The following LMBRD1 variants were observed in gnomAD, a reference collection of about 807,000 sequenced individuals.
LMBRD1 encodes lysosomal cobalamin transport escort protein LMBD1.
A neutral mutation model predicts 74.8 loss-of-function variants in LMBRD1; 64 were observed. The ratio of observed to expected loss-of-function variants is 0.86; its 90% CI spans 0.70 to 1.05. The LOEUF is 1.05. LMBRD1 is among the 50% of genes least tolerant of loss of function. The pLI is 0.00. For missense variants in LMBRD1, 652 were observed against 645.9 expected (o/e 1.01, Z -0.10); for synonymous variants, 204 against 216.3 (o/e 0.94, Z 0.50).
intron 8 of LMBRD1, among the ~76,000 whole-genome samples, chr6:69,717,216 G>C (rs1321823142): frequency 6.6e-6 from 1 of 151,930 alleles, no homozygotes; most frequent in Non-Finnish European, 1.5e-5. Context: ...AGTTCTACTA[G>C]TTTGTCAGTT....
At chr6:69,729,215 G>A (rs1766799688) in intron 7 of LMBRD1, among the ~76,000 whole-genome samples, 1 of 142,874 alleles carries the variant, frequency 7.0e-6, no homozygotes, top group Non-Finnish European at 1.5e-5. Flanking sequence ...CATCTAGAAT[G>A]CCCACCTTCT....
intron 9 of LMBRD1, among the ~76,000 whole-genome samples, chr6:69,711,143 G>A (rs1311847275): frequency 6.6e-6 from 1 of 151,878 alleles, no homozygotes; most frequent in Admixed American, 6.6e-5. Flanking sequence ...ATAAACCACT[G>A]GGCAAAAAAA....
intron 1 of LMBRD1, among the ~76,000 whole-genome samples, chr6:69,793,808 C>T (rs1766146577): frequency 6.6e-6 from 1 of 151,358 alleles, no homozygotes; most frequent in Non-Finnish European, 1.5e-5. Context: ...CACAAACCAC[C>T]TCCTGGGCTC....
chr6:69,760,479 C>T (rs749068372), intron 3 of LMBRD1, among the ~76,000 whole-genome samples: 34 of 152,110 alleles, frequency 2.2e-4, no homozygotes, highest in Non-Finnish European at 4.0e-4. Flanking sequence ...CAGGAGACTT[C>T]AAAATGACCA....
chr6:69,712,328 T>C (rs1766400877), intron 9 of LMBRD1, among the ~76,000 whole-genome samples: 3 of 152,088 alleles, frequency 2.0e-5, no homozygotes, highest in Non-Finnish European at 4.4e-5. Context: ...TGGCAAACAA[T>C]GGTTTCCAAA....
intron 3 of LMBRD1, among the ~76,000 whole-genome samples, chr6:69,763,057 ATT>A (rs138972920): frequency 6.6e-6 from 1 of 150,562 alleles, no homozygotes; most frequent in East Asian, 2.0e-4. Context: ...CCACTGGACA[ATT>A]TTTTTTTTAA....
intron 1 of LMBRD1, among the ~76,000 whole-genome samples, chr6:69,795,323 C>A (rs1353978036): frequency 6.6e-6 from 1 of 152,230 alleles, no homozygotes; most frequent in Non-Finnish European, 1.5e-5. Context: ...TTCTCATTTT[C>A]TTCCAATATT....
intron 3 of LMBRD1, among the ~76,000 whole-genome samples, chr6:69,766,493 A>T (rs1288061099): frequency 6.6e-6 from 1 of 151,920 alleles, no homozygotes; most frequent in African/African-American, 2.4e-5. Flanking sequence ...CATTTCTGGG[A>T]TGAATTCACT....
chr6:69,773,750 T>C (rs1765623225), intron 3 of LMBRD1, among the ~76,000 whole-genome samples: 1 of 152,216 alleles, frequency 6.6e-6, no homozygotes, highest in Non-Finnish European at 1.5e-5. Context: ...ATCTTTTAAA[T>C]GTACATATAT....
chr6:69,724,550 G>A (rs1369594424), intron 7 of LMBRD1, among the ~76,000 whole-genome samples: 1 of 144,904 alleles, frequency 6.9e-6, no homozygotes, highest in Non-Finnish European at 1.5e-5. Context: ...AATCCCACTT[G>A]GTCATAATGA....
chr6:69,709,198 G>A (rs1347111574), intron 9 of LMBRD1, among the ~76,000 whole-genome samples: 2 of 150,954 alleles, frequency 1.3e-5, no homozygotes, highest in Admixed American at 1.3e-4. Context: ...TGCGCCATTG[G>A]ACTCCAGCCT....
At chr6:69,792,428 T>C (rs1766107121) in intron 1 of LMBRD1, among the ~76,000 whole-genome samples, 4 of 152,228 alleles carry the variant, frequency 2.6e-5, no homozygotes, top group African/African-American at 9.6e-5. Flanking sequence ...GTCTTTTCAG[T>C]CTGGCTAGTG....
intron 14 of LMBRD1, among the ~76,000 whole-genome samples, chr6:69,681,341 A>AT (rs955459037): frequency 4.6e-5 from 7 of 151,708 alleles, no homozygotes; most frequent in South Asian, 4.2e-4. Context: ...CAAGTACACC[A>AT]TTTTTTTTGT....
intron 8 of LMBRD1, among the ~76,000 whole-genome samples, chr6:69,717,014 T>C (rs1485366817): frequency 6.6e-6 from 1 of 151,902 alleles, no homozygotes; most frequent in Non-Finnish European, 1.5e-5. Flanking sequence ...CCCCAAATTC[T>C]GATAAAAATT....
intron 6 of LMBRD1, 62 bp downstream of exon 6, chr6:69,741,727 T>C: frequency 9.7e-7 from 1 of 1,033,540 alleles, no homozygotes; most frequent in Admixed American, 1.8e-5. Context: ...AAACTGCTTC[T>C]CAAAAGTCCA....
intron 5 of LMBRD1, among the ~76,000 whole-genome samples, chr6:69,747,416 T>C (rs1199570504): frequency 1.3e-5 from 2 of 152,246 alleles, no homozygotes. Flanking sequence ...AATAAATGAC[T>C]GTTATTTAAG....
At chr6:69,725,275 T>C (rs879726323) in intron 7 of LMBRD1, among the ~76,000 whole-genome samples, 3 of 151,704 alleles carry the variant, frequency 2.0e-5, no homozygotes, top group Non-Finnish European at 4.4e-5. Flanking sequence ...TGTTAAAATG[T>C]CCATACTACT....
intron 3 of LMBRD1, among the ~76,000 whole-genome samples, chr6:69,755,588 T>TA (rs75543340): frequency 0.091 from 12,072 of 132,786 alleles, 603 homozygotes; most frequent in Middle Eastern, 0.22. Context: ...TCCCAGAACT[T>TA]AAAAAAAAAA....
chr6:69,706,099 C>T, intron 9 of LMBRD1: 1 of 651,080 alleles, frequency 1.5e-6, no homozygotes, highest in Non-Finnish European at 2.9e-6. Context: ...CTGTAGTTCA[C>T]AACCAAATAG....
Sources: allele counts gnomAD v4.1 joint callset (sites outside exome capture counted in the v4.1 genomes callset), GRCh38; gene constraint gnomAD v4.1.1; transcripts MANE v1.5; gene names NCBI Gene and HGNC (gene_info 2026-07-23, HGNC 2026-07-21).